OSBPL9: variants seen among roughly 807,000 people sequenced by gnomAD.
OSBPL9 encodes the protein oxysterol binding protein like 9, also known as oxysterol-binding protein-related protein 9.
In OSBPL9, 40 loss-of-function variants were observed where a neutral mutation model predicts 106.6. That is an observed-to-expected ratio of 0.38 (90% CI 0.29 to 0.49). OSBPL9 has a LOEUF of 0.49. Ranked by LOEUF, OSBPL9 falls within the 20% of genes least tolerant of loss-of-function variation. The pLI is 0.97. For missense variants in OSBPL9, 609 were observed against 887.2 expected, an observed-to-expected ratio of 0.69 and a Z score of 3.98; for synonymous variants, 269 against 295.4, an observed-to-expected ratio of 0.91 and a Z score of 0.92.
At chr1:51,530,637 C>T in the OSBPL9 span, among the ~76,000 whole-genome samples, 1 of 152,036 alleles carries the variant, frequency 6.6e-6, no homozygotes, top group Non-Finnish European at 1.5e-5. Context: ...TTTGAGGCTG[C>T]AGTGAGCTAT....
chr1:51,706,181 T>C (rs1658493241), intron 3 of OSBPL9, among the ~76,000 whole-genome samples: 1 of 152,214 alleles, frequency 6.6e-6, no homozygotes, highest in Non-Finnish European at 1.5e-5. Context: ...GCTTCTAGGC[T>C]TGGATTTTTC....
chr1:51,784,852 A>G (rs973703782), intron 20 of OSBPL9: 4 of 438,196 alleles, frequency 9.1e-6, no homozygotes, highest in Non-Finnish European at 1.6e-5. Context: ...TAGGTTGCCT[A>G]GCTAAACCAG....
intron 2 of OSBPL9, among the ~76,000 whole-genome samples, chr1:51,665,765 A>G (rs1648309821): frequency 6.6e-6 from 1 of 152,214 alleles, no homozygotes; most frequent in South Asian, 2.1e-4. Context: ...GCAAAGGTCC[A>G]GAAAGTAATG....
At chr1:51,635,711 C>T (rs1645388612) in intron 1 of OSBPL9, among the ~76,000 whole-genome samples, 1 of 152,070 alleles carries the variant, frequency 6.6e-6, no homozygotes, top group South Asian at 2.1e-4. Context: ...TCTCTCCACT[C>T]ACCTGTTGTC....
At chr1:51,620,661 T>C (rs1026260910) in intron 1 of OSBPL9, among the ~76,000 whole-genome samples, 8 of 151,850 alleles carry the variant, frequency 5.3e-5, no homozygotes, top group African/African-American at 1.7e-4. Context: ...GTTCTGGAGG[T>C]TGGGCTGTGA....
At chr1:51,760,814 T>A (rs1471212784) in intron 10 of OSBPL9, 34 bp downstream of exon 10, 2 of 1,605,024 alleles carry the variant, frequency 1.2e-6, no homozygotes, top group Non-Finnish European at 8.5e-7. Flanking sequence ...GATTCATTGA[T>A]GAGAAAAAAA....
Position 51,781,369 on chromosome 1 carries a change from A to G in OSBPL9, c.1428+34A>G, listed in dbSNP as rs187066897. 8 of 1,580,364 alleles carry G rather than the reference A, an allele frequency of 5.1e-6. No individual in the cohort carries two copies. The East Asian group carries it at 1.8e-4, about 35-fold the overall frequency. On this transcript the variant is annotated intron_variant, in intron 16 of 23. Coordinates refer to ENST00000428468, the MANE Select transcript of OSBPL9 (RefSeq NM_024586.6). ...TGCATTGACATTTTTAAATTATCTT[A>G]ATTGTATACTGATTCAAGATTTTAT... is the stretch of plus-strand genomic sequence containing the variant.
chr1:51,684,451 A>G (rs900443158), intron 3 of OSBPL9, among the ~76,000 whole-genome samples: 1 of 152,262 alleles, frequency 6.6e-6, no homozygotes, highest in Admixed American at 6.5e-5. Flanking sequence ...GAGCCATTCC[A>G]CAATGTACAT....
At chr1:51,667,096 G>A (rs1384531153) in intron 2 of OSBPL9, among the ~76,000 whole-genome samples, 1 of 152,170 alleles carries the variant, frequency 6.6e-6, no homozygotes, top group Non-Finnish European at 1.5e-5. Context: ...AGACCTGGAG[G>A]TTTCTACCAG....
intron 8 of OSBPL9, among the ~76,000 whole-genome samples, chr1:51,754,690 T>G (rs531909319): frequency 6.6e-6 from 1 of 152,322 alleles, no homozygotes; most frequent in East Asian, 1.9e-4. Flanking sequence ...GAGATTAATT[T>G]TAATAATGTA....
At chr1:51,643,058 A>G (rs1053238072) in intron 1 of OSBPL9, among the ~76,000 whole-genome samples, 1 of 152,138 alleles carries the variant, frequency 6.6e-6, no homozygotes, top group East Asian at 1.9e-4. Flanking sequence ...TTGCTGCTTC[A>G]TAACATGGTG....
Position 51,602,172 on chromosome 1 carries a change from C to CA in OSBPL9, c.-353+3980dup, listed in dbSNP as rs561445196. On this transcript the variant is annotated intron_variant, in intron 2 of 25. Coordinates refer to the OSBPL9 transcript ENST00000371714. ...AGTAGCTGGGACTACAGGCACCCAC[C>CA]ACTGTGCCCAGCTAATGTTTTGTAT... Among the ~76,000 whole-genome samples the CA allele has an allele frequency of 9.2e-5, 14 of 151,886 alleles. No individual in the cohort carries two copies. In the East Asian group the frequency reaches 1.4e-3, roughly 15 times the overall value.
chr1:51,522,244 C>T, the OSBPL9 span, among the ~76,000 whole-genome samples: 1 of 152,180 alleles, frequency 6.6e-6, no homozygotes, highest in Non-Finnish European at 1.5e-5. Context: ...CCATTGACAG[C>T]AGGCTTGGGT....
chr1:51,706,284 C>T (rs886395573), intron 3 of OSBPL9, among the ~76,000 whole-genome samples: 10 of 152,190 alleles, frequency 6.6e-5, no homozygotes, highest in Admixed American at 6.5e-5. Flanking sequence ...AGTTATAGCA[C>T]TATCTAGGTT....
chr1:51,655,892 T>G (rs1646785604), intron 2 of OSBPL9, among the ~76,000 whole-genome samples: 1 of 152,248 alleles, frequency 6.6e-6, no homozygotes, highest in Admixed American at 6.5e-5. Flanking sequence ...ATGTGTGTGT[T>G]TGTCCCTCTG....
intron 3 of OSBPL9, among the ~76,000 whole-genome samples, chr1:51,678,499 A>G (rs1189747815): frequency 3.3e-5 from 5 of 152,054 alleles, no homozygotes; most frequent in Admixed American, 6.6e-5. Context: ...CGTCTCTACT[A>G]AAAATGCAAA....
the OSBPL9 span, among the ~76,000 whole-genome samples, chr1:51,549,299 A>G: frequency 6.6e-6 from 1 of 152,102 alleles, no homozygotes; most frequent in African/African-American, 2.4e-5. Flanking sequence ...AAAGATGCAC[A>G]CTCATGCATT....
At chr1:51,531,965 G>A in the OSBPL9 span, among the ~76,000 whole-genome samples, 1 of 152,170 alleles carries the variant, frequency 6.6e-6, no homozygotes, top group Non-Finnish European at 1.5e-5. Flanking sequence ...AGCCAAATGA[G>A]CAATGTGTTT....
At chr1:51,545,106 T>C in the OSBPL9 span, among the ~76,000 whole-genome samples, 1 of 151,930 alleles carries the variant, frequency 6.6e-6, no homozygotes, top group African/African-American at 2.4e-5. Flanking sequence ...GGCCTCCCAA[T>C]GTGCTGGGAT....
Sources: allele counts gnomAD v4.1 joint callset (sites outside exome capture counted in the v4.1 genomes callset), GRCh38; gene constraint gnomAD v4.1.1; transcripts MANE v1.5; gene names NCBI Gene and HGNC (gene_info 2026-07-23, HGNC 2026-07-21).